Variants in AFG2A observed in about 807,000 individuals in gnomAD.
AFG2A encodes AAA ATPase AFG2A.
the AFG2A span, among the ~76,000 whole-genome samples, chr4:123,072,457 G>A: frequency 5.9e-5 from 9 of 152,136 alleles, no homozygotes; most frequent in Admixed American, 5.2e-4. Flanking sequence ...TAGTAATGCT[G>A]TAAACAAATG....
At chr4:123,140,716 GTAA>G in the AFG2A span, among the ~76,000 whole-genome samples, 4 of 151,764 alleles carry the variant, frequency 2.6e-5, no homozygotes, top group Non-Finnish European at 2.9e-5. Flanking sequence ...TATATTCATG[GTAA>G]TAATAATCTT....
chr4:123,012,887 A>G, the AFG2A span, among the ~76,000 whole-genome samples: 11 of 151,982 alleles, frequency 7.2e-5, no homozygotes, highest in Non-Finnish European at 2.9e-5. Flanking sequence ...TGGAGCAAAG[A>G]GCAGGAGAAT....
At chr4:123,154,224 C>CT in the AFG2A span, among the ~76,000 whole-genome samples, 4,700 of 148,152 alleles carry the variant, frequency 0.032, 134 homozygotes, top group South Asian at 0.049. Context: ...AATAAGGGAG[C>CT]TTTTTTTTTT....
the AFG2A span, among the ~76,000 whole-genome samples, chr4:123,183,746 T>C: frequency 2.6e-5 from 4 of 152,270 alleles, no homozygotes; most frequent in Admixed American, 2.0e-4. Flanking sequence ...AGGCCCAACC[T>C]GGTTTTTCTT....
At chr4:123,007,546 A>ATG in the AFG2A span, among the ~76,000 whole-genome samples, 1 of 101,216 alleles carries the variant, frequency 9.9e-6, no homozygotes, top group Admixed American at 1.0e-4. Flanking sequence ...ATATATGTGT[A>ATG]TGTATGTGTG....
the AFG2A span, among the ~76,000 whole-genome samples, chr4:123,192,481 T>A: frequency 6.6e-6 from 1 of 152,256 alleles, no homozygotes; most frequent in African/African-American, 2.4e-5. Context: ...ACTAGCTACA[T>A]TTAACTGTTT....
chr4:123,057,948 T>G, the AFG2A span, among the ~76,000 whole-genome samples: 1 of 152,206 alleles, frequency 6.6e-6, no homozygotes, highest in African/African-American at 2.4e-5. Context: ...GCATAGCTTC[T>G]TGATGTGTAT....
chr4:123,239,485 C>T, the AFG2A span, among the ~76,000 whole-genome samples: 279 of 152,236 alleles, frequency 1.8e-3, 1 homozygote, highest in Middle Eastern at 0.01. Context: ...GCGGCTCTCT[C>T]GGGCAGAAAT....
At chr4:123,061,931 T>C in the AFG2A span, among the ~76,000 whole-genome samples, 1 of 152,224 alleles carries the variant, frequency 6.6e-6, no homozygotes, top group Non-Finnish European at 1.5e-5. Flanking sequence ...GTGGGAGGGA[T>C]ATCCTGTTAA....
the AFG2A span, among the ~76,000 whole-genome samples, chr4:123,288,809 T>G: frequency 6.6e-6 from 1 of 152,070 alleles, no homozygotes; most frequent in Non-Finnish European, 1.5e-5. Flanking sequence ...ACCTAGCCCT[T>G]CAGTGTTTCT....
the AFG2A span, among the ~76,000 whole-genome samples, chr4:123,299,982 T>C: frequency 6.6e-6 from 1 of 152,206 alleles, no homozygotes. Flanking sequence ...TACAACTCTT[T>C]GCATATCTGT....
chr4:122,934,633 T>C, the AFG2A span: 1 of 1,613,882 alleles, frequency 6.2e-7, no homozygotes, highest in Non-Finnish European at 8.5e-7. Context: ...AGACAACCAA[T>C]TCAAAGTAAC....
At chr4:123,151,765 A>G in the AFG2A span, among the ~76,000 whole-genome samples, 1 of 152,164 alleles carries the variant, frequency 6.6e-6, no homozygotes, top group African/African-American at 2.4e-5. Flanking sequence ...TTGACCTAGC[A>G]ATTCCATTAC....
At chr4:123,041,301 TTA>T in the AFG2A span, among the ~76,000 whole-genome samples, 2 of 142,374 alleles carry the variant, frequency 1.4e-5, no homozygotes, top group African/African-American at 5.2e-5. Context: ...TTTTGTATTT[TTA>T]GTAGAGACGG....
the AFG2A span, among the ~76,000 whole-genome samples, chr4:123,143,302 C>T: frequency 1.3e-5 from 2 of 151,920 alleles, no homozygotes; most frequent in East Asian, 1.9e-4. Flanking sequence ...AAATGTAATC[C>T]TGTTTTACAA....
At chr4:123,275,183 C>G in the AFG2A span, among the ~76,000 whole-genome samples, 2 of 152,036 alleles carry the variant, frequency 1.3e-5, no homozygotes, top group Admixed American at 1.3e-4. Context: ...TAAAACATAC[C>G]ATTTCTTTCC....
At chr4:123,029,072 T>C in the AFG2A span, among the ~76,000 whole-genome samples, 4 of 152,234 alleles carry the variant, frequency 2.6e-5, no homozygotes, top group Admixed American at 2.0e-4. Context: ...ATAGATTAAC[T>C]ATCAATTCAT....
the AFG2A span, among the ~76,000 whole-genome samples, chr4:123,148,244 T>G: frequency 6.6e-6 from 1 of 152,218 alleles, no homozygotes; most frequent in Non-Finnish European, 1.5e-5. Context: ...CTTTTTTAAG[T>G]ATACATACAG....
At chr4:123,265,152 A>G in the AFG2A span, among the ~76,000 whole-genome samples, 1 of 152,102 alleles carries the variant, frequency 6.6e-6, no homozygotes, top group Non-Finnish European at 1.5e-5. Context: ...AAAATTTTAC[A>G]TGCTCAGAGA....
Sources: gnomAD v4.1 joint callset for allele counts (sites outside exome capture counted in the v4.1 genomes callset) on GRCh38, gnomAD v4.1.1 for gene constraint, MANE v1.5 for transcripts, NCBI Gene and HGNC (gene_info 2026-07-23, HGNC 2026-07-21) for gene names.